The following GALM variants were observed in gnomAD, a reference collection of about 807,000 sequenced individuals.
GALM encodes the protein galactose mutarotase.
A neutral mutation model predicts 37.4 loss-of-function variants in GALM; 43 were observed. That is an observed-to-expected ratio of 1.15 (90% CI 0.90 to 1.48). The LOEUF (loss-of-function observed/expected upper bound fraction) is 1.48. Ranked by LOEUF, GALM falls within the 40% of genes most tolerant of loss-of-function variation. The pLI is 0.00. For synonymous variants in GALM, 199 were observed against 170.6 expected (o/e 1.17, Z -1.30); for missense variants, 456 against 419.1 (o/e 1.09, Z -0.77).
Position 38,733,824 on chromosome 2 carries a change from T to TGAC in GALM, c.*260_*262dup, listed in dbSNP as rs1469998164. ...ACCAACAATGTCGTCATCTAAGCCC[T>TGAC]GACCCTAGCCAGGGACTCCCATGCT... On this transcript the variant is annotated 3_prime_UTR_variant, in exon 7 of 7. Transcript: ENST00000272252. The TGAC allele has an allele frequency of 2.1e-6, 1 of 467,300 alleles. No homozygotes were observed. Among genetic ancestry groups the TGAC allele is most frequent in the Non-Finnish European group, 3.9e-6 (1 of 255,144 alleles). The allele number at this position is 467,300 out of a possible 1,614,324, so 28.9% of individuals were successfully genotyped here. A position where few individuals can be genotyped will look rare whatever the true frequency, so the allele number is the denominator to read the frequency against.
At chr2:38,722,028 C>A (rs1666385360) in intron 4 of GALM, among the ~76,000 whole-genome samples, 1 of 50,868 alleles carries the variant, frequency 2.0e-5, no homozygotes, top group African/African-American at 5.3e-5. Context: ...TATGCCTTCC[C>A]TTCCCCCCCC....
In GALM at chr2:38,681,307, A is replaced by C; in HGVS notation, c.373A>C (p.Asn125His). Residue 125 changes from asparagine to histidine, a missense_variant, in exon 3 of 7, where the codon AAT becomes CAT. Physicochemically the swap from Asn to His is moderately conservative, Grantham distance 68. Coordinates refer to ENST00000272252, the MANE Select transcript of GALM (RefSeq NM_138801.3). Reference sequence around the variant, plus strand: ...GCTCTGGACCCCTCGGGTGCTGTCAAATGGCGTCCAGTTCTCGCGCATCAG... The same window carrying C: ...GCTCTGGACCCCTCGGGTGCTGTCACATGGCGTCCAGTTCTCGCGCATCAG... Reference protein sequence around the residue: ...KVLWTPRVLSNGVQFSRISPD... With the variant: ...KVLWTPRVLSHGVQFSRISPD... 1 of 1,613,656 alleles carries C rather than the reference A, an allele frequency of 6.2e-7. No homozygotes were observed. Among genetic ancestry groups the C allele is most frequent in the Non-Finnish European group, 8.5e-7 (1 of 1,180,016 alleles).
chr2:38,686,220 ATTTCTTTCTTTCTTTCTTTCTTTCTTTC>A (rs200050911), intron 3 of GALM, among the ~76,000 whole-genome samples: 3,265 of 93,616 alleles, frequency 0.035, 263 homozygotes, highest in African/African-American at 0.14. Flanking sequence ...GAAAGTGGAA[ATTTCTTTCTTTCTTTCTTTCTTTCTTTC>A]TTTCTTTCTT....
intron 1 of GALM, among the ~76,000 whole-genome samples, chr2:38,667,324 G>C (rs1305942624): frequency 2.0e-5 from 3 of 152,078 alleles, no homozygotes; most frequent in Admixed American, 6.6e-5. Context: ...TGGTTCTTCC[G>C]ATACGTAAGA....
intron 4 of GALM, among the ~76,000 whole-genome samples, chr2:38,709,868 A>G (rs556094710): frequency 2.0e-5 from 3 of 152,298 alleles, no homozygotes; most frequent in Non-Finnish European, 2.9e-5. Context: ...TCAGATGAGT[A>G]CCTGTGCCCA....
chr2:38,710,641 G>A (rs1363026082), intron 4 of GALM, among the ~76,000 whole-genome samples: 1 of 152,154 alleles, frequency 6.6e-6, no homozygotes, highest in East Asian at 1.9e-4. Flanking sequence ...CTGGGCTTAA[G>A]TGATCCTCCT....
rs199777161 is a variant in GALM at position 38,689,894 on chromosome 2, G to C, written c.634G>C (p.Gly212Arg). ...TGTGGATGAAACCCTGATTCCTACA[G>C]GTTGGTGAATTTAACCTTTTTGTGT... ...LPVDETLIPT[G>R]EVAPVQGTAF... The change falls in exon 4 of 7, where the codon GGA becomes CGA. Residue 212 changes from glycine to arginine, a missense_variant and splice_region_variant. Physicochemically the swap from Gly to Arg is moderately radical, Grantham distance 125 (BLOSUM62 -2). Transcript: ENST00000272252. 6.9e-6 allele frequency: 11 copies of C among 1,594,510 alleles called. No homozygotes were observed. The highest frequency in any genetic ancestry group is 1.1e-5 in the South Asian group (1 of 90,134).
rs1390910224 is a variant in GALM at position 38,726,237 on chromosome 2, T to A, written c.635-3319T>A. Reference sequence around the variant, plus strand: ...CTTTATTTTTTTTTTTTTATTTTTTTTTTTTTTGAGACGGAGTCTCGCTCT... The same window carrying A: ...CTTTATTTTTTTTTTTTTATTTTTTATTTTTTTGAGACGGAGTCTCGCTCT... On this transcript the variant is annotated intron_variant, in intron 4 of 6. Coordinates refer to ENST00000272252, the MANE Select transcript of GALM (RefSeq NM_138801.3). Among the ~76,000 whole-genome samples, 220 of 128,314 alleles carry A rather than the reference T, an allele frequency of 1.7e-3. 1 individual carries two copies. Among genetic ancestry groups the A allele is most frequent in the Middle Eastern group, 0.015 (4 of 266 alleles). The allele number at this position is 128,314 out of a possible 152,430, so 84.2% of individuals were successfully genotyped here.
At chr2:38,724,921 G>A (rs1558597065) in intron 4 of GALM, among the ~76,000 whole-genome samples, 1 of 152,258 alleles carries the variant, frequency 6.6e-6, no homozygotes. Flanking sequence ...CTTGGTAACA[G>A]GAAAGAGACC....
At chr2:38,691,486 A>G (rs1212882562) in intron 4 of GALM, among the ~76,000 whole-genome samples, 1 of 151,864 alleles carries the variant, frequency 6.6e-6, no homozygotes, top group Non-Finnish European at 1.5e-5. Context: ...TCGAGACCAG[A>G]CTGTGCAACA....
At chr2:38,716,426 C>T (rs886220688) in intron 4 of GALM, among the ~76,000 whole-genome samples, 1 of 152,188 alleles carries the variant, frequency 6.6e-6, no homozygotes, top group Non-Finnish European at 1.5e-5. Context: ...ATGTGCATTT[C>T]AACATCAGGT....
At chr2:38,716,412 C>G (rs1666271726) in intron 4 of GALM, among the ~76,000 whole-genome samples, 2 of 152,140 alleles carry the variant, frequency 1.3e-5, no homozygotes, top group Non-Finnish European at 2.9e-5. Context: ...CTGTGAGATT[C>G]CAAATGTGCA....
chr2:38,690,598 G>A (rs1220225226), intron 4 of GALM, among the ~76,000 whole-genome samples: 4 of 151,874 alleles, frequency 2.6e-5, no homozygotes, highest in Non-Finnish European at 4.4e-5. Context: ...ACACCACCAC[G>A]CCTGTTGTAT....
chr2:38,730,128 G>C (rs1401220030), intron 5 of GALM, among the ~76,000 whole-genome samples: 1 of 152,218 alleles, frequency 6.6e-6, no homozygotes, highest in Non-Finnish European at 1.5e-5. Context: ...ATAGACACTT[G>C]TGTGCACGCT....
chr2:38,732,066 G>A (rs1039510783), intron 6 of GALM, among the ~76,000 whole-genome samples, 157 bp downstream of exon 6: 1 of 152,132 alleles, frequency 6.6e-6, no homozygotes, highest in East Asian at 1.9e-4. Flanking sequence ...TGTCGCCTAG[G>A]CTGTAGTGCA....
intron 3 of GALM, among the ~76,000 whole-genome samples, chr2:38,688,897 C>CA: frequency 6.6e-6 from 1 of 152,064 alleles, no homozygotes; most frequent in Non-Finnish European, 1.5e-5. Flanking sequence ...CTTGGCTCAC[C>CA]GCAACCTCCA....
chr2:38,682,788 C>T (rs919920431), intron 3 of GALM, among the ~76,000 whole-genome samples: 3 of 151,698 alleles, frequency 2.0e-5, no homozygotes, highest in Middle Eastern at 3.2e-3. Context: ...CCCAGCTATT[C>T]GGGAGGCTGA....
chr2:38,679,110 C>T (rs1665331630), intron 2 of GALM, among the ~76,000 whole-genome samples: 1 of 152,152 alleles, frequency 6.6e-6, no homozygotes, highest in Non-Finnish European at 1.5e-5. Flanking sequence ...CCTCAACCTC[C>T]CGAGTAGCTG....
rs573495441 is a variant in GALM at position 38,728,650 on chromosome 2, G to A, written c.635-906G>A. Among the ~76,000 whole-genome samples, 11 of 152,100 alleles carry A rather than the reference G, an allele frequency of 7.2e-5. No individual in the cohort carries two copies. The South Asian group carries it at 8.3e-4, about 11-fold the overall frequency. ...CACTGAGCTGAGATCGCGCCACTGC[G>A]CTCCAGCCTGGGTGACAGAGCAAGA... On this transcript the variant is annotated intron_variant, in intron 4 of 6. Coordinates refer to ENST00000272252, the MANE Select transcript of GALM (RefSeq NM_138801.3).
Sources: allele counts gnomAD v4.1 joint callset (sites outside exome capture counted in the v4.1 genomes callset), GRCh38; gene constraint gnomAD v4.1.1; transcripts MANE v1.5; gene names NCBI Gene and HGNC (gene_info 2026-07-23, HGNC 2026-07-21).